The following TXNL1 variants were observed in gnomAD, a reference collection of about 807,000 sequenced individuals.
TXNL1 encodes thioredoxin-like protein 1.
A neutral mutation model predicts 35.5 loss-of-function variants in TXNL1; 14 were observed. The observed-to-expected ratio is 0.39, with a 90% confidence interval of 0.26 to 0.62. The LOEUF (loss-of-function observed/expected upper bound fraction) is 0.62, where lower values mean the gene tolerates loss of function less well. Ranked by LOEUF, TXNL1 falls within the 20% of genes least tolerant of loss-of-function variation. The pLI is 0.47. For synonymous variants in TXNL1, 110 were observed against 115.5 expected, an observed-to-expected ratio of 0.95 and a Z score of 0.31; for missense variants, 263 against 349.7, an observed-to-expected ratio of 0.75 and a Z score of 1.98.
At chr18:56,605,033 A>G (rs1266518617) in intron 7 of TXNL1, 1 of 111,714 alleles carries the variant, frequency 9.0e-6, no homozygotes, top group Non-Finnish European at 2.0e-5. Flanking sequence ...AGTAGAAAGT[A>G]AAAAAAAAAA....
chr18:56,597,676 A>G lies in TXNL1; in HGVS notation c.*5351T>C, dbSNP rs908279841. On this transcript the variant is annotated 3_prime_UTR_variant, in exon 8 of 8. Transcript: ENST00000217515. ...CCTTAGTTTCATTCTCTCCCTTTAT[A>G]TTCTAAAAATTCCCATTCATATACA... 1 of 152,044 alleles carries G rather than the reference A, an allele frequency of 6.6e-6. No homozygotes were observed. Among genetic ancestry groups the G allele is most frequent in the Non-Finnish European group, 1.5e-5 (1 of 68,008 alleles). The allele number at this position is 152,044 out of a possible 1,614,324, so 9.4% of individuals were successfully genotyped here.
intron 2 of TXNL1, among the ~76,000 whole-genome samples, chr18:56,625,825 C>T (rs867390215): frequency 6.6e-6 from 1 of 152,032 alleles, no homozygotes; most frequent in African/African-American, 2.4e-5. Flanking sequence ...TTTCCCTTAA[C>T]AATTCCCCAC....
Position 56,599,290 on chromosome 18 carries a change from A to AG in TXNL1, c.*3736_*3737insC, listed in dbSNP as rs1166979318. ...AGTGCTGAGCATGTTAAAAAAAAAAAAAAACCTTATTGATCAAAAATAAAA... is the reference window on the plus strand; with the variant it reads ...AGTGCTGAGCATGTTAAAAAAAAAAAGAAAACCTTATTGATCAAAAATAAAA... On this transcript the variant is annotated 3_prime_UTR_variant, in exon 8 of 8. Transcript: ENST00000217515. 1 of 152,004 alleles carries AG rather than the reference A, an allele frequency of 6.6e-6. No individual in the cohort carries two copies. Among genetic ancestry groups the AG allele is most frequent in the African/African-American group, 2.4e-5 (1 of 41,370 alleles). The allele number at this position is 152,004 out of a possible 1,614,324, so 9.4% of individuals were successfully genotyped here. A position where few individuals can be genotyped will look rare whatever the true frequency, so the allele number is the denominator to read the frequency against.
intron 1 of TXNL1, among the ~76,000 whole-genome samples, chr18:56,629,252 G>T (rs2024333376): frequency 6.6e-6 from 1 of 152,264 alleles, no homozygotes; most frequent in Admixed American, 6.5e-5. Flanking sequence ...CAGGGGCCAG[G>T]CACGCTGGCT....
chr18:56,638,580 C>A lies in TXNL1; in HGVS notation c.-140G>T. 1.6e-6 allele frequency: 1 copy of A among 635,176 alleles called. No homozygotes were observed. The highest frequency in any genetic ancestry group is 2.0e-5 in the South Asian group (1 of 49,812). The allele number at this position is 635,176 out of a possible 1,614,324, so 39.3% of individuals were successfully genotyped here. A position where few individuals can be genotyped will look rare whatever the true frequency, so the allele number is the denominator to read the frequency against. On this transcript the variant is annotated 5_prime_UTR_variant, in exon 1 of 8. Transcript: ENST00000217515. ...AGGTGGCGACCGCCGAGTCTTCTCC[C>A]GGGACTCTCAGTGCCGAGTCACGCC... is the stretch of plus-strand genomic sequence containing the variant.
intron 6 of TXNL1, among the ~76,000 whole-genome samples, chr18:56,612,540 T>C (rs1175197196): frequency 1.3e-5 from 2 of 152,192 alleles, no homozygotes; most frequent in African/African-American, 2.4e-5. Flanking sequence ...TTTAAAATAT[T>C]GCACCTATCT....
chr18:56,626,795 G>GTCTTTT (rs2024289235), intron 1 of TXNL1, among the ~76,000 whole-genome samples: 2 of 29,050 alleles, frequency 6.9e-5, no homozygotes, highest in African/African-American at 1.3e-4. Flanking sequence ...CACCAAGCCG[G>GTCTTTT]TCTTTTTTTT....
chr18:56,612,077 G>A (rs2024005863), intron 6 of TXNL1, among the ~76,000 whole-genome samples: 1 of 147,568 alleles, frequency 6.8e-6, no homozygotes, highest in Non-Finnish European at 1.5e-5. Context: ...GTGTTGCCCA[G>A]GGTGGTCTCG....
At chr18:56,616,872 G>C (rs1277120614) in intron 4 of TXNL1, among the ~76,000 whole-genome samples, 1 of 152,178 alleles carries the variant, frequency 6.6e-6, no homozygotes, top group Non-Finnish European at 1.5e-5. Flanking sequence ...CATAAGGGAA[G>C]AGGAATATGA....
chr18:56,620,371 T>C (rs2024160983), intron 3 of TXNL1, among the ~76,000 whole-genome samples: 1 of 152,250 alleles, frequency 6.6e-6, no homozygotes, highest in South Asian at 2.1e-4. Context: ...GTGCATACTT[T>C]GTCAAATTAT....
chr18:56,629,520 A>AG (rs1016187784), intron 1 of TXNL1, among the ~76,000 whole-genome samples: 2 of 152,260 alleles, frequency 1.3e-5, no homozygotes, highest in South Asian at 4.1e-4. Flanking sequence ...TGCAGTGTTT[A>AG]GGGGGGAAGA....
In TXNL1 at chr18:56,638,486, A is replaced by C; in HGVS notation, c.-46T>G. 6.3e-7 allele frequency: 1 copy of C among 1,576,618 alleles called. No individual in the cohort carries two copies. Among genetic ancestry groups the C allele is most frequent in the Non-Finnish European group, 8.7e-7 (1 of 1,155,534 alleles). Reference sequence around the variant, plus strand: ...GGTGGCCGCGACGCCACTGGCTTTGAAACTGAAGGAGAAGACGATCTGGGA... The same window carrying C: ...GGTGGCCGCGACGCCACTGGCTTTGCAACTGAAGGAGAAGACGATCTGGGA... On this transcript the variant is annotated 5_prime_UTR_variant, in exon 1 of 8. Coordinates refer to ENST00000217515, the MANE Select transcript of TXNL1 (RefSeq NM_004786.3).
intron 3 of TXNL1, among the ~76,000 whole-genome samples, chr18:56,619,649 T>G (rs1326000967): frequency 1.3e-5 from 2 of 152,182 alleles, no homozygotes; most frequent in Non-Finnish European, 2.9e-5. Context: ...TACCGTTTAC[T>G]TCCCTGTGGT....
Position 56,621,139 on chromosome 18 carries a change from T to A in TXNL1, c.370-3013A>T, listed in dbSNP as rs1016043370. Among the ~76,000 whole-genome samples the A allele has an allele frequency of 2.0e-5, 3 of 151,828 alleles. No homozygotes were observed. In the East Asian group the frequency reaches 5.8e-4, roughly 29 times the overall value. On this transcript the variant is annotated intron_variant, in intron 3 of 7. Transcript: ENST00000217515. ...ACCTAAATGATAAAAATAAACTAAGTGGGTAAATTCTTCTAAATAGTTTTT... is the reference window on the plus strand; with the variant it reads ...ACCTAAATGATAAAAATAAACTAAGAGGGTAAATTCTTCTAAATAGTTTTT...
chr18:56,623,088 C>T (rs2024216456), intron 3 of TXNL1, among the ~76,000 whole-genome samples: 1 of 152,076 alleles, frequency 6.6e-6, no homozygotes, highest in Non-Finnish European at 1.5e-5. Flanking sequence ...CTTGTAGCTC[C>T]ATGACACAGA....
chr18:56,627,134 G>A (rs958608671), intron 1 of TXNL1, among the ~76,000 whole-genome samples: 2 of 151,972 alleles, frequency 1.3e-5, no homozygotes, highest in Non-Finnish European at 2.9e-5. Context: ...GTCTATTTGA[G>A]TAAGTTATTT....
chr18:56,618,625 C>T (rs1568103739), intron 3 of TXNL1, among the ~76,000 whole-genome samples: 1 of 151,804 alleles, frequency 6.6e-6, no homozygotes, highest in Admixed American at 6.6e-5. Flanking sequence ...TAATCATCAA[C>T]TGAAGGCCAC....
intron 3 of TXNL1, 78 bp downstream of exon 3, chr18:56,624,210 T>C (rs758867103): frequency 4.2e-6 from 6 of 1,414,024 alleles, no homozygotes; most frequent in East Asian, 2.3e-5. Context: ...GATGGAAACA[T>C]AGTTATATTT....
chr18:56,608,940 CT>C (rs2023946276), intron 7 of TXNL1: 1 of 143,292 alleles, frequency 7.0e-6, no homozygotes, highest in Admixed American at 7.0e-5. Context: ...GAACAAAACC[CT>C]GTCTCAAAAA....
Sources: gnomAD v4.1 joint callset for allele counts (sites outside exome capture counted in the v4.1 genomes callset) on GRCh38, gnomAD v4.1.1 for gene constraint, MANE v1.5 for transcripts, NCBI Gene and HGNC (gene_info 2026-07-23, HGNC 2026-07-21) for gene names.